The following TIAM1 variants were observed in gnomAD, a reference collection of about 807,000 sequenced individuals.
TIAM1 encodes the protein TIAM Rac1 associated GEF 1.
A neutral mutation model predicts 163.5 loss-of-function variants in TIAM1; 65 were observed. That is an observed-to-expected ratio of 0.40 (90% CI 0.33 to 0.49). TIAM1 has a LOEUF of 0.49. Ranked by LOEUF, TIAM1 falls within the 20% of genes least tolerant of loss-of-function variation. The pLI, the probability that TIAM1 is intolerant of heterozygous loss-of-function variation, is 0.77. For synonymous variants in TIAM1, 833 were observed against 810.1 expected, an observed-to-expected ratio of 1.03 and a Z score of -0.48; for missense variants, 1,789 against 2,044.7, an observed-to-expected ratio of 0.87 and a Z score of 2.41.
intron 2 of TIAM1, among the ~76,000 whole-genome samples, chr21:31,374,718 T>C (rs1569276227): frequency 1.3e-5 from 2 of 152,210 alleles, no homozygotes; most frequent in Non-Finnish European, 2.9e-5. Context: ...GGGGGACAGA[T>C]TGTTCCAAGG....
chr21:31,262,944 GAAA>G (rs962498855), intron 4 of TIAM1, among the ~76,000 whole-genome samples: 2 of 135,768 alleles, frequency 1.5e-5, no homozygotes, highest in Non-Finnish European at 1.6e-5. Flanking sequence ...CAAAAAAAAA[GAAA>G]AAAATTTTTT....
chr21:31,217,870 T>C (rs1051742164), intron 8 of TIAM1, among the ~76,000 whole-genome samples, 171 bp from the exon 9 acceptor site: 8 of 152,222 alleles, frequency 5.3e-5, no homozygotes, highest in African/African-American at 1.9e-4. Context: ...ATTGGGACTT[T>C]GAGAGCCCTT....
At chr21:31,324,653 C>A (rs1265854514) in intron 2 of TIAM1, among the ~76,000 whole-genome samples, 1 of 152,176 alleles carries the variant, frequency 6.6e-6, no homozygotes, top group Admixed American at 6.5e-5. Flanking sequence ...TGTAACCTTT[C>A]AGACAGCTGC....
chr21:31,397,837 G>A (rs75422373), intron 2 of TIAM1, among the ~76,000 whole-genome samples: 6,376 of 152,316 alleles, frequency 0.042, 153 homozygotes, highest in East Asian at 0.076. Flanking sequence ...ACAGGGAAAT[G>A]AGAAGGGACA....
intron 11 of TIAM1, among the ~76,000 whole-genome samples, chr21:31,208,806 A>T (rs1045057390): frequency 6.6e-6 from 1 of 152,206 alleles, no homozygotes; most frequent in Non-Finnish European, 1.5e-5. Flanking sequence ...AAAATTGCTG[A>T]TAGTAGAACT....
chr21:31,336,193 T>C (rs1261197089), intron 2 of TIAM1, among the ~76,000 whole-genome samples: 1 of 152,236 alleles, frequency 6.6e-6, no homozygotes, highest in Admixed American at 6.5e-5. Context: ...GCGCACTGAC[T>C]CTGCTGGGAC....
At chr21:31,149,418 A>G (rs2083280573) in intron 19 of TIAM1, among the ~76,000 whole-genome samples, 1 of 152,192 alleles carries the variant, frequency 6.6e-6, no homozygotes, top group South Asian at 2.1e-4. Flanking sequence ...ATTTTAGAGC[A>G]GTTTGGATTT....
chr21:31,278,833 A>G (rs1052519305), intron 2 of TIAM1, among the ~76,000 whole-genome samples: 1 of 151,978 alleles, frequency 6.6e-6, no homozygotes, highest in Non-Finnish European at 1.5e-5. Flanking sequence ...ATCCTCCTTA[A>G]ACGGCTCTCT....
At chr21:31,387,912 A>C (rs1223934218) in intron 2 of TIAM1, among the ~76,000 whole-genome samples, 1 of 152,064 alleles carries the variant, frequency 6.6e-6, no homozygotes, top group Non-Finnish European at 1.5e-5. Flanking sequence ...TTCCTGCTGC[A>C]AGCACGCAGG....
intron 25 of TIAM1, 36 bp from the exon 26 acceptor site, chr21:31,127,188 T>C (rs1049300179): frequency 1.0e-5 from 16 of 1,593,316 alleles, no homozygotes; most frequent in Non-Finnish European, 1.1e-5. Flanking sequence ...TCAGGGTATG[T>C]TTCAAGTGGA....
chr21:31,242,873 AAAAAAAG>A (rs1236211746), intron 6 of TIAM1, among the ~76,000 whole-genome samples: 53 of 148,154 alleles, frequency 3.6e-4, no homozygotes, highest in African/African-American at 1.1e-3. Flanking sequence ...AAAAAAAAAA[AAAAAAAG>A]AAAAAAGAAA....
chr21:31,482,100 C>CAT (rs552025596), intron 1 of TIAM1, among the ~76,000 whole-genome samples: 71 of 105,166 alleles, frequency 6.8e-4, no homozygotes, highest in East Asian at 1.7e-3. Context: ...TGTGTGTATA[C>CAT]ATATATATAT....
chr21:31,343,423 C>T (rs769292480), intron 1 of TIAM1, among the ~76,000 whole-genome samples: 7 of 152,186 alleles, frequency 4.6e-5, no homozygotes, highest in Non-Finnish European at 1.0e-4. Flanking sequence ...CCCAAACTTC[C>T]TCTCACAAAA....
intron 2 of TIAM1, among the ~76,000 whole-genome samples, chr21:31,382,678 T>C (rs1488505419): frequency 1.3e-5 from 2 of 152,162 alleles, no homozygotes; most frequent in Non-Finnish European, 2.9e-5. Context: ...ATAAAACAGA[T>C]TTTTTTAACA....
chr21:31,507,152 A>AT (rs1207686630), intron 1 of TIAM1, among the ~76,000 whole-genome samples: 4 of 102,682 alleles, frequency 3.9e-5, no homozygotes, highest in Non-Finnish European at 8.4e-5. Flanking sequence ...TCTATTTTTA[A>AT]TTTTTTGAGG....
At chr21:31,142,898 AC>A (rs962802905) in intron 20 of TIAM1, among the ~76,000 whole-genome samples, 3 of 151,994 alleles carry the variant, frequency 2.0e-5, no homozygotes, top group African/African-American at 7.2e-5. Context: ...GAGTTGTGGG[AC>A]CCCAAACAGA....
rs548005009 is a variant in TIAM1, at chr21:31,359,251, T to C, written c.-368-19829A>G. Among the ~76,000 whole-genome samples the C allele has an allele frequency of 7.4e-4, 112 of 152,302 alleles. 2 individuals are homozygous for C. Among genetic ancestry groups the C allele is most frequent in the African/African-American group, 2.5e-3 (103 of 41,566 alleles). ...AATTCATTTAAAATGAAGACGTAAC[T>C]CATTACAATTAATAAACAATTATTT... On this transcript the variant is annotated intron_variant, in intron 2 of 28. Transcript: ENST00000286827.
intron 1 of TIAM1, among the ~76,000 whole-genome samples, chr21:31,531,556 A>C (rs767980410): frequency 1.2e-4 from 18 of 152,174 alleles, no homozygotes; most frequent in Non-Finnish European, 2.2e-4. Context: ...AAGAAAAAAG[A>C]AGAGGAAGAA....
chr21:31,395,909 G>T lies in TIAM1; in HGVS notation c.-368-56487C>A, dbSNP rs1354431541. Among the ~76,000 whole-genome samples the T allele has an allele frequency of 6.6e-6, 1 of 152,098 alleles. No individual in the cohort carries two copies. The highest frequency in any genetic ancestry group is 1.5e-5 in the Non-Finnish European group (1 of 68,022). ...AAACAAGGAGCGAAAACAAAATAAGGCTGTCTAGCAAATGAGGGCATCATT... is the reference window on the plus strand; with the variant it reads ...AAACAAGGAGCGAAAACAAAATAAGTCTGTCTAGCAAATGAGGGCATCATT... On this transcript the variant is annotated intron_variant, in intron 2 of 28. Transcript: ENST00000286827. This position sits in a 1 kb window ranked among gnomAD's most constrained non-coding sequence, Gnocchi z 7.5.
Sources: allele counts gnomAD v4.1 joint callset (sites outside exome capture counted in the v4.1 genomes callset), GRCh38; gene constraint gnomAD v4.1.1; non-coding constraint Gnocchi (gnomAD v3.1); transcripts MANE v1.5; gene names NCBI Gene and HGNC (gene_info 2026-07-23, HGNC 2026-07-21).